The following FGF12 variants were observed in gnomAD, a reference collection of about 807,000 sequenced individuals.
FGF12 encodes fibroblast growth factor 12, also known as fibroblast growth factor 12B.
In FGF12, 14 loss-of-function variants were observed where a neutral mutation model predicts 23.6. The observed-to-expected ratio is 0.59, with a 90% CI of 0.39 to 0.93. The LOEUF is 0.93. Ranked by LOEUF, FGF12 falls within the 40% of genes least tolerant of loss-of-function variation. The probability of loss-of-function intolerance (pLI) is 0.00; values close to 1 mark genes in which losing one functional copy is unlikely to be tolerated. For synonymous variants in FGF12, 62 were observed against 77.3 expected, an observed-to-expected ratio of 0.80 and a Z score of 1.04; for missense variants, 175 against 217.8, an observed-to-expected ratio of 0.80 and a Z score of 1.24.
intron 2 of FGF12, among the ~76,000 whole-genome samples, chr3:192,564,912 TG>T (rs1289757484): frequency 2.0e-5 from 3 of 152,256 alleles, no homozygotes; most frequent in Non-Finnish European, 4.4e-5. Flanking sequence ...CTCCATTTAC[TG>T]GCTGTGGGAC....
rs538109938 is a variant in FGF12 at position 192,296,223 on chromosome 3, AT to A, written c.228+39137del. On this transcript the variant is annotated intron_variant, in intron 4 of 5. Coordinates refer to ENST00000445105, the MANE Select transcript of FGF12 (RefSeq NM_004113.6). ...GCCTGGCCTACAATGTTTTCATTTT[AT>A]TTTATTTTTTTTTTTTTGAGACAGG... 6.1e-3 allele frequency among the ~76,000 whole-genome samples: 823 copies of A among 134,082 alleles called. 9 individuals are homozygous for A. Among genetic ancestry groups the A allele is most frequent in the African/African-American group, 0.02 (781 of 38,666 alleles). The allele number at this position is 134,082 out of a possible 152,430, so 88.0% of individuals were successfully genotyped here.
intron 4 of FGF12, among the ~76,000 whole-genome samples, chr3:192,334,027 A>G (rs1717263171): frequency 6.6e-6 from 1 of 152,056 alleles, no homozygotes; most frequent in Non-Finnish European, 1.5e-5. Flanking sequence ...TTGTGACAAA[A>G]TGCTGTCTAG....
At chr3:192,221,442 T>C (rs1718471904) in intron 4 of FGF12, among the ~76,000 whole-genome samples, 1 of 152,150 alleles carries the variant, frequency 6.6e-6, no homozygotes, top group South Asian at 2.1e-4. Context: ...TGAGAGACAC[T>C]ATTATACCTG....
rs371097526 is a variant in FGF12 at position 192,493,536 on chromosome 3, T to A, written c.14-132998A>T. Reference sequence around the variant, plus strand: ...ACTTGCACTTCTATAAAGAAATACCTGAGCCTGGGTAATTTATAAAGAAAA... The same window carrying A: ...ACTTGCACTTCTATAAAGAAATACCAGAGCCTGGGTAATTTATAAAGAAAA... On this transcript the variant is annotated intron_variant, in intron 2 of 5. Transcript: ENST00000445105. Among the ~76,000 whole-genome samples, 97 of 152,312 alleles carry A rather than the reference T, an allele frequency of 6.4e-4. 2 individuals are homozygous for A. In the South Asian group the frequency reaches 0.011, roughly 17 times the overall value.
chr3:192,717,084 C>G (rs957869105), intron 2 of FGF12, among the ~76,000 whole-genome samples: 3 of 152,146 alleles, frequency 2.0e-5, no homozygotes, highest in Non-Finnish European at 4.4e-5. Flanking sequence ...TGGCCCAGGG[C>G]TTGAGTGAGA....
chr3:192,485,556 A>G (rs1332963662), intron 2 of FGF12, among the ~76,000 whole-genome samples: 1 of 152,196 alleles, frequency 6.6e-6, no homozygotes, highest in Non-Finnish European at 1.5e-5. Flanking sequence ...TCCAGCAATT[A>G]GTTGATAAAA....
chr3:192,248,177 T>A (rs1711752794), intron 4 of FGF12, among the ~76,000 whole-genome samples: 1 of 152,152 alleles, frequency 6.6e-6, no homozygotes, highest in African/African-American at 2.4e-5. Flanking sequence ...GGAGCTGAGA[T>A]AAAAATTACA....
intron 4 of FGF12, among the ~76,000 whole-genome samples, chr3:192,261,909 T>G (rs886212439): frequency 6.6e-6 from 1 of 152,090 alleles, no homozygotes; most frequent in Non-Finnish European, 1.5e-5. Flanking sequence ...TTCTCTCTTA[T>G]GGGTTGTTTT....
Position 192,514,664 on chromosome 3 carries a change from C to T in FGF12, c.14-154126G>A. The stretch of plus-strand genomic sequence containing the variant: ...GGGGGCTGGGGAAAGAACATTTTCT[C>T]ACCACTTGGGCTGTCGCTGGACCTC... On this transcript the variant is annotated intron_variant, in intron 2 of 5. Coordinates refer to ENST00000445105, the MANE Select transcript of FGF12 (RefSeq NM_004113.6). This position sits in a 1 kb window ranked among gnomAD's most constrained non-coding sequence, Gnocchi z 4.9. 1 of 983,676 alleles carries T rather than the reference C, an allele frequency of 1.0e-6. No individual in the cohort carries two copies. The highest frequency in any genetic ancestry group is 1.2e-6 in the Non-Finnish European group (1 of 828,310). 60.9% of individuals were successfully genotyped at this position (983,676 alleles called of 1,614,324 possible).
At chr3:192,428,615 G>A (rs909136635) in intron 2 of FGF12, among the ~76,000 whole-genome samples, 7 of 152,136 alleles carry the variant, frequency 4.6e-5, no homozygotes, top group East Asian at 1.9e-4. Flanking sequence ...GCAATGCTTC[G>A]GAAGATGGTA....
Position 192,349,222 on chromosome 3 carries a change from A to G in FGF12, c.124+11206T>C, listed in dbSNP as rs1272016343. On this transcript the variant is annotated intron_variant, in intron 3 of 5. Coordinates refer to ENST00000445105, the MANE Select transcript of FGF12 (RefSeq NM_004113.6). ...GACAAATCTATACAACCTTGCAATC[A>G]GTAACTTATGTTGAAGACGGAGCAC... 2.0e-5 allele frequency among the ~76,000 whole-genome samples: 3 copies of G among 152,148 alleles called. No individual in the cohort carries two copies. The South Asian group carries it at 6.2e-4, about 32-fold the overall frequency.
chr3:192,350,325 G>T (rs1718161752), intron 3 of FGF12, among the ~76,000 whole-genome samples: 1 of 152,026 alleles, frequency 6.6e-6, no homozygotes, highest in Non-Finnish European at 1.5e-5. Context: ...ATTAGTGAAA[G>T]AAATAACATA....
chr3:192,499,692 C>T (rs1042579130), intron 2 of FGF12, among the ~76,000 whole-genome samples: 5 of 150,544 alleles, frequency 3.3e-5, no homozygotes, highest in African/African-American at 7.3e-5. Flanking sequence ...CCACCTCACA[C>T]GGCTAATTGT....
At chr3:192,154,366 T>C (rs540179694) in intron 5 of FGF12, among the ~76,000 whole-genome samples, 1 of 122,676 alleles carries the variant, frequency 8.2e-6, no homozygotes, top group Non-Finnish European at 1.8e-5. Context: ...AGGAACTGCG[T>C]TCCTTTGGAG....
chr3:192,351,765 G>A lies in FGF12; in HGVS notation c.124+8663C>T, dbSNP rs114359777. On this transcript the variant is annotated intron_variant, in intron 3 of 5. Coordinates refer to ENST00000445105, the MANE Select transcript of FGF12 (RefSeq NM_004113.6). ...AGTATATAATGTGACTTGCGCAGCT[G>A]TAAACAAATGCATAACCCTCAAATA... 9.8e-3 allele frequency among the ~76,000 whole-genome samples: 1,492 copies of A among 152,292 alleles called. 21 individuals are homozygous for A. The highest frequency in any genetic ancestry group is 0.034 in the African/African-American group (1,427 of 41,560).
At chr3:192,194,809 T>C (rs1298829335) in intron 4 of FGF12, among the ~76,000 whole-genome samples, 1 of 152,226 alleles carries the variant, frequency 6.6e-6, no homozygotes, top group Admixed American at 6.5e-5. Context: ...TGATCATTTT[T>C]ATAACATATT....
chr3:192,256,948 C>T (rs1712434235), intron 4 of FGF12, among the ~76,000 whole-genome samples: 1 of 152,116 alleles, frequency 6.6e-6, no homozygotes, highest in Non-Finnish European at 1.5e-5. Context: ...GTCTGGATTT[C>T]AAGAATTGTG....
At chr3:192,200,936 C>T (rs1051236810) in intron 4 of FGF12, among the ~76,000 whole-genome samples, 2 of 151,922 alleles carry the variant, frequency 1.3e-5, no homozygotes, top group African/African-American at 4.8e-5. Flanking sequence ...TAGGCTACCT[C>T]AGTACTTTAA....
At chr3:192,657,752 A>G (rs1293170661) in intron 2 of FGF12, among the ~76,000 whole-genome samples, 1 of 152,212 alleles carries the variant, frequency 6.6e-6, no homozygotes, top group Non-Finnish European at 1.5e-5. Context: ...ATGCATGTCC[A>G]CTAACACTTA....
Sources: gnomAD v4.1 joint callset for allele counts (sites outside exome capture counted in the v4.1 genomes callset) on GRCh38, gnomAD v4.1.1 for gene constraint, Gnocchi (gnomAD v3.1) non-coding constraint, MANE v1.5 for transcripts, NCBI Gene and HGNC (gene_info 2026-07-23, HGNC 2026-07-21) for gene names.